The following ZBTB46 variants were observed in gnomAD, a reference collection of about 807,000 sequenced individuals.
ZBTB46 encodes the protein zinc finger and BTB domain-containing protein 46.
In ZBTB46, 8 loss-of-function variants were observed where a neutral mutation model predicts 44.1. That is an observed-to-expected ratio of 0.18 (90% confidence interval 0.11 to 0.33). ZBTB46 has a LOEUF of 0.33. ZBTB46 is among the 10% of genes least tolerant of loss of function. ZBTB46 has a pLI of 1.00. For synonymous variants in ZBTB46, 409 were observed against 382.3 expected, an observed-to-expected ratio of 1.07 and a Z score of -0.81; for missense variants, 651 against 847.7, an observed-to-expected ratio of 0.77 and a Z score of 2.88.
chr20:63,752,619 A>G lies in ZBTB46; in HGVS notation c.1398+67T>C, dbSNP rs1364524698. 1 of 1,438,546 alleles carries G rather than the reference A, an allele frequency of 7.0e-7. No individual in the cohort carries two copies. Among genetic ancestry groups the G allele is most frequent in the East Asian group, 2.6e-5 (1 of 38,532 alleles). 89.1% of individuals were successfully genotyped at this position (1,438,546 alleles called of 1,614,324 possible). A position where few individuals can be genotyped will look rare whatever the true frequency, so the allele number is the denominator to read the frequency against. ...GTCCGGGGCGGTCTGCGCCCTCATC[A>G]GGACCCGCCTGCCCGGACATCGTGG... On this transcript the variant is annotated intron_variant, in intron 4 of 4. Transcript: ENST00000245663. This position sits in a 1 kb window ranked among gnomAD's most constrained non-coding sequence, Gnocchi z 5.6.
chr20:63,790,447 T>C lies in ZBTB46; in HGVS notation c.311A>G (p.Glu104Gly). 6.2e-7 allele frequency: 1 copy of C among 1,613,244 alleles called. No homozygotes were observed. The highest frequency in any genetic ancestry group is 8.5e-7 in the Non-Finnish European group (1 of 1,180,018). Residue 104 changes from glutamate (E) to glycine (G), a missense_variant, in exon 2 of 5, where the codon GAG becomes GGG. Physicochemically the swap from Glu to Gly is moderately conservative, Grantham distance 98. This residue lies in a region of ZBTB46 where 65 missense variants were observed against 167.9 expected (regional missense o/e 0.39). Transcript: ENST00000245663. ...HLALTSRNVI[E>G]VMSAASFLQM... is the part of the protein sequence containing the mutation. ...CAGGAAGCTGGCGGCTGACATCACC[T>C]CGATGACGTTCCTGCTGGTGAGCGC...
At chr20:63,832,735 C>T (rs563044972), upstream of ZBTB46, among the ~76,000 whole-genome samples, 1 of 152,308 alleles carries the variant, frequency 6.6e-6, no homozygotes, top group South Asian at 2.1e-4. The surrounding 1 kb of genome is among the most constrained non-coding windows in gnomAD (Gnocchi z 5.0). Context: ...GCGGCACCCT[C>T]TCGGTGGCAC....
chr20:63,830,660 G>A (rs13042708), intron 1 of ZBTB46, among the ~76,000 whole-genome samples: 2 of 149,600 alleles, frequency 1.3e-5, no homozygotes, highest in East Asian at 4.0e-4. Flanking sequence ...ACGCCCCCGG[G>A]CTGCCTCGGG....
rs1217410606 is a variant in ZBTB46 at position 63,745,905 on chromosome 20, TTTC to T, written c.*1022_*1024del. ...CTAAAGGAAAAACAACCCTATATAG[TTTC>T]TTCGAGTGAGAAAAATAATGCCAAA... On this transcript the variant is annotated 3_prime_UTR_variant, in exon 5 of 5. Transcript: ENST00000245663. 3 of 152,612 alleles carry T rather than the reference TTTC, an allele frequency of 2.0e-5. No homozygotes were observed. The highest frequency in any genetic ancestry group is 4.4e-5 in the Non-Finnish European group (3 of 68,050). The allele number at this position is 152,612 out of a possible 1,614,324, so 9.5% of individuals were successfully genotyped here.
At chr20:63,806,028 G>A (rs1265331182) in intron 1 of ZBTB46, among the ~76,000 whole-genome samples, 4 of 149,696 alleles carry the variant, frequency 2.7e-5, no homozygotes, top group Admixed American at 6.7e-5. Context: ...ACCCGCCTCC[G>A]CCTCCCAAAG....
chr20:63,763,697 G>A (rs1370819412), intron 3 of ZBTB46, among the ~76,000 whole-genome samples: 2 of 152,172 alleles, frequency 1.3e-5, no homozygotes, highest in Non-Finnish European at 2.9e-5. Context: ...TGGGGACAGA[G>A]ATCCAAACTG....
At chr20:63,819,872 A>C (rs1478645274) in intron 1 of ZBTB46, among the ~76,000 whole-genome samples, 1 of 152,198 alleles carries the variant, frequency 6.6e-6, no homozygotes, top group African/African-American at 2.4e-5. Context: ...GTGTCTGCTA[A>C]TGATTTCCGA....
chr20:63,800,606 G>A (rs2092636272), intron 1 of ZBTB46, among the ~76,000 whole-genome samples: 1 of 152,242 alleles, frequency 6.6e-6, no homozygotes, highest in Non-Finnish European at 1.5e-5. Flanking sequence ...GGCGCTTGCG[G>A]GCCAGCTAGA....
In ZBTB46 at chr20:63,775,695, C is replaced by T; in HGVS notation, c.1205G>A (p.Gly402Glu). Residue 402 changes from glycine to glutamate, a missense_variant, in exon 3 of 5, where the codon GGG (glycine) becomes GAG (glutamate). This residue lies in a region of ZBTB46 where 385 missense variants were observed against 423.3 expected (regional missense o/e 0.91). Transcript: ENST00000245663. ...GCACTTACGGGACAGCGAGTGGGCC[C>T]CTCTGGGCAGGTACTCGAACAGCAG... ...GSLLFEYLPR[G>E]AHSLSLNEFT... is the part of the protein sequence containing the mutation. 6.3e-7 allele frequency: 1 copy of T among 1,591,788 alleles called. No homozygotes were observed. Among genetic ancestry groups the T allele is most frequent in the Non-Finnish European group, 8.6e-7 (1 of 1,167,820 alleles).
chr20:63,782,096 A>AAAAAG (rs1292028300), intron 2 of ZBTB46, among the ~76,000 whole-genome samples: 3 of 124,924 alleles, frequency 2.4e-5, no homozygotes, highest in Admixed American at 1.7e-4. Context: ...CAAAAAAAAA[A>AAAAAG]AAAAGAAAAG....
At chr20:63,802,694 C>T (rs1395561390) in intron 1 of ZBTB46, among the ~76,000 whole-genome samples, 9 of 145,116 alleles carry the variant, frequency 6.2e-5, no homozygotes, top group Admixed American at 6.9e-5. Flanking sequence ...CCGCCGCGGC[C>T]GACGACCGAA....
At chr20:63,832,102 C>G (rs2092855287), upstream of ZBTB46, among the ~76,000 whole-genome samples, 1 of 152,040 alleles carries the variant, frequency 6.6e-6, no homozygotes, top group Non-Finnish European at 1.5e-5. This position sits in a 1 kb window ranked among gnomAD's most constrained non-coding sequence, Gnocchi z 5.0. Flanking sequence ...ACGAATGGCT[C>G]CGGGAGGGGG....
chr20:63,752,269 C>T lies in ZBTB46; in HGVS notation c.1398+417G>A, dbSNP rs2092175096. 1.3e-5 allele frequency among the ~76,000 whole-genome samples: 2 copies of T among 152,100 alleles called. No homozygotes were observed. Among genetic ancestry groups the T allele is most frequent in the African/African-American group, 2.4e-5 (1 of 41,420 alleles). On this transcript the variant is annotated intron_variant, in intron 4 of 4. Coordinates refer to ENST00000245663, the MANE Select transcript of ZBTB46 (RefSeq NM_001369741.1). The surrounding 1 kb of genome is among the most constrained non-coding windows in gnomAD (Gnocchi z 5.6). Reference sequence around the variant, plus strand: ...CCACTCCACACCTGCTACCTGACAACGACCTGCCAGTGCTGAGCTCCAGGG... The same window carrying T: ...CCACTCCACACCTGCTACCTGACAATGACCTGCCAGTGCTGAGCTCCAGGG...
intron 1 of ZBTB46, among the ~76,000 whole-genome samples, chr20:63,826,829 C>T (rs1407715426): frequency 6.6e-6 from 1 of 152,200 alleles, no homozygotes; most frequent in African/African-American, 2.4e-5. Flanking sequence ...CAACGTGAAA[C>T]TCAACTGCTC....
At chr20:63,770,858 C>T (rs1329435038) in intron 3 of ZBTB46, among the ~76,000 whole-genome samples, 3 of 152,228 alleles carry the variant, frequency 2.0e-5, no homozygotes, top group Non-Finnish European at 4.4e-5. Flanking sequence ...GAGGTACACT[C>T]GACAGGACAC....
rs776179538 is a variant in ZBTB46 at position 63,747,035 on chromosome 20, C to T, written c.1665G>A (p.Leu555=). The change falls in exon 5 of 5, where the codon CTG becomes CTA. Residue 555 remains leucine, a synonymous_variant. Coordinates refer to ENST00000245663, the MANE Select transcript of ZBTB46 (RefSeq NM_001369741.1). ...AEELGEDDEG[L]APEDALLADD... ...CCGCCAACAGCGCATCCTCAGGGGC[C>T]AGGCCCTCGTCGTCCTCGCCCAGCT... 1 of 1,608,288 alleles carries T rather than the reference C, an allele frequency of 6.2e-7. No individual in the cohort carries two copies.
chr20:63,832,375 G>A (rs1435287170), upstream of ZBTB46, among the ~76,000 whole-genome samples: 1 of 151,818 alleles, frequency 6.6e-6, no homozygotes, highest in Admixed American at 6.5e-5. The surrounding 1 kb of genome is among the most constrained non-coding windows in gnomAD (Gnocchi z 5.0). Flanking sequence ...CGAGGGAGTC[G>A]AGCCCGGCCC....
At chr20:63,809,961 C>CAAA (rs61473496) in intron 1 of ZBTB46, among the ~76,000 whole-genome samples, 13,526 of 135,670 alleles carry the variant, frequency 0.1, 1,014 homozygotes, top group African/African-American at 0.22. Context: ...GGCCCTCTCT[C>CAAA]AAAAAAAAAA....
In ZBTB46 at chr20:63,813,097, AAAAAC is replaced by A. The variant is rs11472667; in HGVS notation, c.-34+17995_-34+17999del. ...TGGTGAGAGTGAGACTCCGTCTCAA[AAAAAC>A]AAAACAAAACAAAAACAGGCATCAA... On this transcript the variant is annotated intron_variant, in intron 1 of 4. Coordinates refer to ENST00000245663, the MANE Select transcript of ZBTB46 (RefSeq NM_001369741.1). 6.4e-4 allele frequency among the ~76,000 whole-genome samples: 97 copies of A among 151,776 alleles called. 1 individual carries two copies. In the South Asian group the frequency reaches 8.7e-3, roughly 14 times the overall value.
Sources: gnomAD v4.1 joint callset for allele counts (sites outside exome capture counted in the v4.1 genomes callset) on GRCh38, gnomAD v4.1.1 for gene constraint, gnomAD v4.1.1 regional missense constraint, Gnocchi (gnomAD v3.1) non-coding constraint, MANE v1.5 for transcripts, NCBI Gene and HGNC (gene_info 2026-07-23, HGNC 2026-07-21) for gene names.